Variants in DST observed in about 807,000 individuals in gnomAD.
The protein encoded by DST is bullous pemphigoid antigen.
Under a neutral mutation model 875.2 loss-of-function variants are expected in DST, and 253 were observed. The ratio of observed to expected loss-of-function variants is 0.29; its 90% CI spans 0.26 to 0.32. DST has a LOEUF of 0.32. Among genes scored for constraint, DST ranks in the 10% least tolerant of loss-of-function variants. The pLI, the probability that DST is intolerant of heterozygous loss-of-function variation, is 1.00. For missense variants in DST, 8,287 were observed against 9,111.6 expected (o/e 0.91, Z 3.68); for synonymous variants, 3,124 against 3,197.1 (o/e 0.98, Z 0.77).
chr6:56,649,476 A>C (rs938274166), intron 12 of DST, among the ~76,000 whole-genome samples: 18 of 152,200 alleles, frequency 1.2e-4, no homozygotes, highest in African/African-American at 4.1e-4. Context: ...TTGAGATAAG[A>C]ATCAGGCAAG....
intron 50 of DST, among the ~76,000 whole-genome samples, chr6:56,575,748 T>C (rs1231352344): frequency 1.3e-5 from 2 of 152,174 alleles, no homozygotes; most frequent in African/African-American, 4.8e-5. Flanking sequence ...TCCTCAGTAA[T>C]ACAGACACTA....
intron 9 of DST, among the ~76,000 whole-genome samples, chr6:56,688,707 C>T (rs975891402): frequency 6.6e-5 from 10 of 152,154 alleles, no homozygotes; most frequent in African/African-American, 2.2e-4. Flanking sequence ...TGATCATCAC[C>T]CCAGGTGACT....
chr6:56,592,076 A>G (rs2098285606), intron 49 of DST, 106 bp downstream of exon 49: 1 of 1,002,530 alleles, frequency 1.0e-6, no homozygotes, highest in Non-Finnish European at 1.5e-6. Context: ...TATACTTTTC[A>G]CATCATTTGT....
intron 10 of DST, among the ~76,000 whole-genome samples, chr6:56,651,818 C>G (rs1242458850): frequency 6.6e-6 from 1 of 152,208 alleles, no homozygotes; most frequent in African/African-American, 2.4e-5. Context: ...CACGATATGG[C>G]ACTTAGGATA....
At chr6:56,654,742 G>T (rs527881501) in intron 10 of DST, among the ~76,000 whole-genome samples, 3 of 152,000 alleles carry the variant, frequency 2.0e-5, no homozygotes, top group East Asian at 3.9e-4. Flanking sequence ...TTGCATGAGA[G>T]ATTTTTTTGG....
At chr6:56,708,550 T>C (rs1319327840) in intron 5 of DST, among the ~76,000 whole-genome samples, 1 of 152,048 alleles carries the variant, frequency 6.6e-6, no homozygotes, top group Non-Finnish European at 1.5e-5. Flanking sequence ...AAATATAAGA[T>C]ATCATTTTCC....
At position 56,604,328 on chromosome 6, in the gene DST, G is replaced by C. The variant is rs369455845; in HGVS notation, c.10300C>G (p.Pro3434Ala). ...SELKPESRDD[P>A]FCIGNLKSEL... Reference sequence around the variant, plus strand: ...GACTTAAGATTTCCAATACAGAAAGGATCATCTCTACTTTCTGGCTTTAGT... The same window carrying C: ...GACTTAAGATTTCCAATACAGAAAGCATCATCTCTACTTTCTGGCTTTAGT... The change falls in exon 40 of 104, where the codon CCT becomes GCT. Residue 3434 changes from proline to alanine, a missense_variant. By Grantham distance (27) the Pro-to-Ala change is conservative. Around this residue, in one of 10 missense-constraint regions of DST, gnomAD observed 3,138 missense variants for 3,116.6 expected, o/e 1.01. Coordinates refer to ENST00000680361, the MANE Select transcript of DST (RefSeq NM_001374736.1). The C allele has an allele frequency of 1.3e-4, 202 of 1,612,096 alleles. No individual in the cohort carries two copies. Among genetic ancestry groups the C allele is most frequent in the Non-Finnish European group, 1.6e-4 (188 of 1,178,976 alleles).
intron 22 of DST, chr6:56,639,004 A>T: frequency 1.8e-6 from 1 of 542,744 alleles, no homozygotes; most frequent in Non-Finnish European, 3.3e-6. Flanking sequence ...TACACAGAGA[A>T]GGTACTTCAT....
intron 3 of DST, among the ~76,000 whole-genome samples, chr6:56,872,884 A>G (rs1490434507): frequency 1.6e-5 from 2 of 127,900 alleles, no homozygotes; most frequent in Non-Finnish European, 3.2e-5. Flanking sequence ...TATATGCTAG[A>G]TCATATAGTA....
At chr6:56,611,672 T>C in intron 37 of DST, 76 bp from the exon 38 acceptor site, 1 of 1,070,418 alleles carries the variant, frequency 9.3e-7, no homozygotes, top group South Asian at 1.5e-5. Context: ...AAAAAGAAAT[T>C]AATCAAGCTT....
At chr6:56,564,008 A>G (rs1228968969) in intron 55 of DST, among the ~76,000 whole-genome samples, 2 of 152,254 alleles carry the variant, frequency 1.3e-5, no homozygotes, top group South Asian at 4.1e-4. Context: ...GTCAGGTAGC[A>G]TGATGCCTCC....
intron 9 of DST, among the ~76,000 whole-genome samples, chr6:56,672,290 A>G (rs1053898489): frequency 3.9e-5 from 6 of 152,314 alleles, no homozygotes; most frequent in Non-Finnish European, 8.8e-5. Flanking sequence ...TCCAGTGTTC[A>G]GCAGAGGCTG....
At chr6:56,534,659 A>G in intron 63 of DST, among the ~76,000 whole-genome samples, 1 of 152,172 alleles carries the variant, frequency 6.6e-6, no homozygotes, top group African/African-American at 2.4e-5. Flanking sequence ...TTTCCATACA[A>G]ATGCCATCTT....
In DST at chr6:56,608,844, C is replaced by T; in HGVS notation, c.5784G>A (p.Lys1928=). The T allele has an allele frequency of 6.2e-7, 1 of 1,612,890 alleles. No individual in the cohort carries two copies. The highest frequency in any genetic ancestry group is 1.1e-5 in the South Asian group (1 of 91,008). Residue 1928 remains lysine, a synonymous_variant, in exon 40 of 104, where the codon AAG becomes AAA. Transcript: ENST00000680361. ...TTTGTACCATATCTATTAAAGAAAC[C>T]TTCTCAGAGGTGCAGGGGTCAATAA... The part of the protein sequence containing the change: ...KDLIDPCTSE[K]VSLIDMVQRS...
rs540822406 is a variant in DST at position 56,726,803 on chromosome 6, T to C, written c.687+8425A>G. Reference sequence around the variant, plus strand: ...TACTAGTGGGAAAAAAAGCTTTATTTAGTTTCATATTCATTCATTACACAT... The same window carrying C: ...TACTAGTGGGAAAAAAAGCTTTATTCAGTTTCATATTCATTCATTACACAT... On this transcript the variant is annotated intron_variant, in intron 5 of 103. Coordinates refer to ENST00000680361, the MANE Select transcript of DST (RefSeq NM_001374736.1). Among the ~76,000 whole-genome samples, 5 of 152,338 alleles carry C rather than the reference T, an allele frequency of 3.3e-5. No homozygotes were observed. In the South Asian group the frequency reaches 1.0e-3, roughly 32 times the overall value.
chr6:56,629,552 G>A (rs2098760191), intron 31 of DST, 109 bp from the exon 32 acceptor site: 1 of 847,536 alleles, frequency 1.2e-6, no homozygotes, highest in African/African-American at 1.7e-5. Context: ...TAGAAAATAA[G>A]ATAAAGGAAA....
Position 56,570,028 on chromosome 6 carries a change from C to A in DST, c.13722-16G>T. The A allele has an allele frequency of 1.3e-6, 2 of 1,539,618 alleles. No homozygotes were observed. The highest frequency in any genetic ancestry group is 2.5e-5 in the South Asian group (2 of 81,200). Reference sequence around the variant, plus strand: ...AGCTTCTTTTCTACATAACAAAAATCATACAAGAATTTAAGTCACAGAAAG... The same window carrying A: ...AGCTTCTTTTCTACATAACAAAAATAATACAAGAATTTAAGTCACAGAAAG... On this transcript the variant is annotated splice_polypyrimidine_tract_variant and intron_variant, in intron 53 of 103. Transcript: ENST00000680361.
chr6:56,548,047 G>T (rs929843918), intron 61 of DST, among the ~76,000 whole-genome samples: 1 of 152,190 alleles, frequency 6.6e-6, no homozygotes, highest in South Asian at 2.1e-4. Context: ...ACTGTAAGCA[G>T]GTTCTGAGGT....
intron 2 of DST, among the ~76,000 whole-genome samples, chr6:56,916,430 C>G (rs926948910): frequency 2.0e-5 from 3 of 152,164 alleles, no homozygotes; most frequent in Non-Finnish European, 4.4e-5. Context: ...TTTTGAGCAT[C>G]ACTCCTGCCA....
Sources: gnomAD v4.1 joint callset for allele counts (sites outside exome capture counted in the v4.1 genomes callset) on GRCh38, gnomAD v4.1.1 for gene constraint, gnomAD v4.1.1 regional missense constraint, MANE v1.5 for transcripts, NCBI Gene and HGNC (gene_info 2026-07-23, HGNC 2026-07-21) for gene names.